Variants in GRK4 observed in about 807,000 individuals in gnomAD.
GRK4 encodes the protein G protein-coupled receptor kinase 2-like.
GRK4 carries 73 observed loss-of-function variants against 77.9 expected under a neutral mutation model. The observed-to-expected ratio is 0.94, with a 90% CI of 0.78 to 1.14. The LOEUF is 1.14. Among genes scored for constraint, GRK4 ranks in the 50% most tolerant of loss-of-function variants. The pLI is 0.00. For synonymous variants in GRK4, 257 were observed against 254.4 expected, an observed-to-expected ratio of 1.01 and a Z score of -0.10; for missense variants, 729 against 700.2, an observed-to-expected ratio of 1.04 and a Z score of -0.46.
At position 3,009,716 on chromosome 4, in the gene GRK4, G is replaced by C; in HGVS notation, c.600+5G>C. The C allele has an allele frequency of 6.2e-7, 1 of 1,612,002 alleles. No individual in the cohort carries two copies. The highest frequency in any genetic ancestry group is 8.5e-7 in the Non-Finnish European group (1 of 1,178,128). On this transcript the variant is annotated splice_donor_5th_base_variant and intron_variant, in intron 7 of 15. Coordinates refer to ENST00000398052, the MANE Select transcript of GRK4 (RefSeq NM_182982.3). ...GGAAAAGGCGGATTTGGAGAGGTGA[G>C]TAACGGGAGCCAGTTCATAGCAGCG...
chr4:2,995,843 G>C (rs999517510), intron 4 of GRK4, among the ~76,000 whole-genome samples: 2 of 152,132 alleles, frequency 1.3e-5, no homozygotes, highest in African/African-American at 2.4e-5. Flanking sequence ...ATTCTCACTG[G>C]TTTAAGAGAG....
chr4:3,003,143 G>A (rs950791577), intron 4 of GRK4, among the ~76,000 whole-genome samples: 3 of 152,054 alleles, frequency 2.0e-5, no homozygotes, highest in African/African-American at 7.2e-5. Context: ...ACTACTCTAG[G>A]GACCATATAT....
chr4:3,034,942 T>G (rs750948618), intron 12 of GRK4, among the ~76,000 whole-genome samples: 2 of 152,142 alleles, frequency 1.3e-5, no homozygotes, highest in Non-Finnish European at 2.9e-5. Context: ...GTTCCTGAGG[T>G]CTGCTTGATG....
chr4:2,990,263 T>G (rs1418356403), intron 3 of GRK4, among the ~76,000 whole-genome samples: 1 of 140,330 alleles, frequency 7.1e-6, no homozygotes, highest in Non-Finnish European at 1.5e-5. Flanking sequence ...TTTTTTTTTT[T>G]TTTTTTTTTT....
At chr4:2,973,978 C>T (rs965068655) in intron 1 of GRK4, among the ~76,000 whole-genome samples, 1 of 152,164 alleles carries the variant, frequency 6.6e-6, no homozygotes, top group Non-Finnish European at 1.5e-5. Context: ...CTTGTTCTCT[C>T]ACCTGAGGAA....
chr4:2,967,362 T>C (rs1423335001), intron 1 of GRK4, among the ~76,000 whole-genome samples: 1 of 152,178 alleles, frequency 6.6e-6, no homozygotes, highest in Non-Finnish European at 1.5e-5. Flanking sequence ...GCCAGGGACA[T>C]GAAGGAAGCG....
intron 10 of GRK4, among the ~76,000 whole-genome samples, chr4:3,024,701 A>G (rs1445558015): frequency 6.6e-6 from 1 of 151,738 alleles, no homozygotes; most frequent in African/African-American, 2.4e-5. Context: ...CTCTACTAAA[A>G]ATACAAAAAT....
chr4:2,968,193 T>A (rs1307031754), intron 1 of GRK4, among the ~76,000 whole-genome samples: 2 of 152,176 alleles, frequency 1.3e-5, no homozygotes, highest in Admixed American at 6.5e-5. Flanking sequence ...TTATTTCACA[T>A]CATACTTCTG....
chr4:3,008,515 AG>A (rs1313183711), intron 6 of GRK4, among the ~76,000 whole-genome samples: 2 of 152,216 alleles, frequency 1.3e-5, no homozygotes, highest in Non-Finnish European at 2.9e-5. Flanking sequence ...AAAAAGTGTT[AG>A]CTGTGGGCCG....
At chr4:2,980,650 T>G (rs952815126) in intron 1 of GRK4, among the ~76,000 whole-genome samples, 1 of 152,080 alleles carries the variant, frequency 6.6e-6, no homozygotes, top group African/African-American at 2.4e-5. Context: ...TCCTGGGTAA[T>G]GCATCCAGCC....
Position 3,035,502 on chromosome 4 carries a change from G to A in GRK4, c.1386G>A (p.Leu462=), listed in dbSNP as rs1203623045. Residue 462 remains leucine (L), a synonymous_variant, in exon 13 of 16, where the codon CTG becomes CTA. Transcript: ENST00000398052. ...TCAGGAGGCTGGAGGCAAACATGCT[G>A]GAGCCCCCTTTCTGTCCTGATGTAA... is the stretch of plus-strand genomic sequence containing the variant. ...INFRRLEANM[L]EPPFCPDPHA... The A allele has an allele frequency of 6.2e-7, 1 of 1,613,932 alleles. No individual in the cohort carries two copies. Among genetic ancestry groups the A allele is most frequent in the Non-Finnish European group, 8.5e-7 (1 of 1,179,926 alleles).
chr4:2,974,108 A>G (rs930113982), intron 1 of GRK4, among the ~76,000 whole-genome samples: 1 of 152,170 alleles, frequency 6.6e-6, no homozygotes, highest in Admixed American at 6.5e-5. Flanking sequence ...AAGCCTCCCC[A>G]GTAGCTGGGA....
chr4:2,999,729 A>G (rs1422504940), intron 4 of GRK4, among the ~76,000 whole-genome samples: 2 of 152,186 alleles, frequency 1.3e-5, no homozygotes, highest in Non-Finnish European at 2.9e-5. Context: ...TTAGGCAGTG[A>G]CTTCTTAGAT....
Position 2,988,075 on chromosome 4 carries a change from CAAAAAA to C in GRK4, c.149-633_149-628del, listed in dbSNP as rs67664476. Among the ~76,000 whole-genome samples, 72 of 33,688 alleles carry C rather than the reference CAAAAAA, an allele frequency of 2.1e-3. 2 individuals are homozygous for C. The highest frequency in any genetic ancestry group is 0.017 in the Middle Eastern group (1 of 60). 22.1% of individuals were successfully genotyped at this position (33,688 alleles called of 152,430 possible). On this transcript the variant is annotated intron_variant, in intron 2 of 15. Transcript: ENST00000398052. ...TGGATGACAGAGTGAGGCTCTGTCT[CAAAAAA>C]AAAAAAAAAAAAAAAAAAGAAGTAG...
chr4:2,964,246 C>T, intron 1 of GRK4, 124 bp downstream of exon 1: 4 of 859,238 alleles, frequency 4.7e-6, no homozygotes, highest in South Asian at 1.6e-5. Flanking sequence ...AGCCCCGACA[C>T]CTCCCACTGG....
chr4:3,019,314 G>A (rs1050154879), intron 8 of GRK4, among the ~76,000 whole-genome samples: 1 of 152,180 alleles, frequency 6.6e-6, no homozygotes, highest in African/African-American at 2.4e-5. Context: ...GAATGCGGTT[G>A]CCCGGGAAGT....
At chr4:3,031,269 T>A (rs2110062470) in intron 12 of GRK4, among the ~76,000 whole-genome samples, 1 of 152,270 alleles carries the variant, frequency 6.6e-6, no homozygotes, top group South Asian at 2.1e-4. Flanking sequence ...CGGTCTCTTA[T>A]GGAGCTTCTT....
intron 9 of GRK4, among the ~76,000 whole-genome samples, chr4:3,021,626 G>T (rs981041952): frequency 6.6e-6 from 1 of 152,218 alleles, no homozygotes; most frequent in African/African-American, 2.4e-5. Flanking sequence ...TAGACACAGA[G>T]GTGGTCGCCT....
At chr4:2,971,402 A>G (rs904089956) in intron 1 of GRK4, among the ~76,000 whole-genome samples, 1 of 152,158 alleles carries the variant, frequency 6.6e-6, no homozygotes, top group Non-Finnish European at 1.5e-5. Context: ...CACCTCATGA[A>G]GCCCTTTATA....
Sources: allele counts gnomAD v4.1 joint callset (sites outside exome capture counted in the v4.1 genomes callset), GRCh38; gene constraint gnomAD v4.1.1; transcripts MANE v1.5; gene names NCBI Gene and HGNC (gene_info 2026-07-23, HGNC 2026-07-21).